Variants in CNTNAP2 observed in about 807,000 individuals in gnomAD.
CNTNAP2 encodes the protein contactin associated protein 2, also known as contactin-associated protein-like 2.
In CNTNAP2, 98 loss-of-function variants were observed where a neutral mutation model predicts 155.2. That is an observed-to-expected ratio of 0.63 (90% confidence interval 0.54 to 0.75). The LOEUF is 0.75. Among genes scored for constraint, CNTNAP2 ranks in the 30% least tolerant of loss-of-function variants. The pLI, the probability that CNTNAP2 is intolerant of heterozygous loss-of-function variation, is 0.00. For synonymous variants in CNTNAP2, 651 were observed against 631.2 expected (o/e 1.03, Z -0.47); for missense variants, 1,727 against 1,688.1 (o/e 1.02, Z -0.40).
intron 8 of CNTNAP2, among the ~76,000 whole-genome samples, chr7:147,133,675 C>G (rs892254634): frequency 6.6e-6 from 1 of 151,960 alleles, no homozygotes; most frequent in South Asian, 2.1e-4. Context: ...CAGAATATCC[C>G]CTGCTATAGA....
intron 3 of CNTNAP2, among the ~76,000 whole-genome samples, chr7:146,847,656 C>G (rs773682775): frequency 6.6e-6 from 1 of 152,042 alleles, no homozygotes; most frequent in Non-Finnish European, 1.5e-5. Context: ...TTTATAATAA[C>G]GTTTTTCTAT....
chr7:146,657,355 A>G (rs533363101), intron 1 of CNTNAP2, among the ~76,000 whole-genome samples: 1 of 152,326 alleles, frequency 6.6e-6, no homozygotes, highest in African/African-American at 2.4e-5. Context: ...TTAACTTATC[A>G]TGTGAGTCAA....
chr7:147,095,426 C>G (rs995091903), intron 4 of CNTNAP2, among the ~76,000 whole-genome samples: 3 of 151,868 alleles, frequency 2.0e-5, no homozygotes, highest in Non-Finnish European at 4.4e-5. Context: ...ACTCCTAACA[C>G]TGTAACATTA....
At chr7:146,853,587 T>A (rs904940028) in intron 3 of CNTNAP2, among the ~76,000 whole-genome samples, 12 of 152,222 alleles carry the variant, frequency 7.9e-5, no homozygotes, top group Non-Finnish European at 1.2e-4. Context: ...ACTTACCTGG[T>A]AAGCACTTTT....
intron 21 of CNTNAP2, among the ~76,000 whole-genome samples, chr7:148,273,237 TTG>T (rs1796814312): frequency 6.6e-6 from 1 of 152,162 alleles, no homozygotes; most frequent in Non-Finnish European, 1.5e-5. Flanking sequence ...ACTTTAAGAT[TTG>T]TGGTGGGAGT....
chr7:147,557,381 G>A (rs1226597246), intron 11 of CNTNAP2, among the ~76,000 whole-genome samples: 2 of 152,100 alleles, frequency 1.3e-5, no homozygotes, highest in Non-Finnish European at 2.9e-5. Context: ...TGAATATATA[G>A]CATGAGAACT....
intron 18 of CNTNAP2, among the ~76,000 whole-genome samples, chr7:148,173,326 A>C (rs987481682): frequency 4.6e-5 from 7 of 152,018 alleles, no homozygotes; most frequent in African/African-American, 1.7e-4. Flanking sequence ...CATGTAAATC[A>C]CTCCTCTCTT....
At chr7:147,254,462 T>C (rs1804274885) in intron 8 of CNTNAP2, among the ~76,000 whole-genome samples, 1 of 152,180 alleles carries the variant, frequency 6.6e-6, no homozygotes, top group Admixed American at 6.5e-5. Flanking sequence ...CATTTTGAAC[T>C]AAAGAAGTTT....
chr7:146,933,200 A>C (rs1282912984), intron 3 of CNTNAP2, among the ~76,000 whole-genome samples: 1 of 151,882 alleles, frequency 6.6e-6, no homozygotes, highest in Non-Finnish European at 1.5e-5. Flanking sequence ...CTATAAGGCT[A>C]CAGTAACCAA....
chr7:147,760,274 A>G (rs1197986762), intron 13 of CNTNAP2, among the ~76,000 whole-genome samples: 1 of 151,824 alleles, frequency 6.6e-6, no homozygotes, highest in Non-Finnish European at 1.5e-5. Flanking sequence ...AAGAACTTCC[A>G]AAGAGTTTTC....
rs796052374 is a variant in CNTNAP2 at position 147,132,507 on chromosome 7, C to G, written c.1346C>G (p.Ser449Ter). 6.2e-7 allele frequency: 1 copy of G among 1,613,478 alleles called. No individual in the cohort carries two copies. Reference sequence around the variant, plus strand: ...AAGATGAGCCAAATCGATATTTCCTCAGGTCAGTGAAACCTATTTGACATT... The same window carrying G: ...AAGATGAGCCAAATCGATATTTCCTGAGGTCAGTGAAACCTATTTGACATT... ...QTKMSQIDIS[S>*]GSGLNDGQWH... The change falls in exon 8 of 24, where the codon TCA (serine) becomes TGA (stop). Residue 449 changes from serine (S) to a stop codon, truncating the protein, a stop_gained and splice_region_variant. Coordinates refer to ENST00000361727, the MANE Select transcript of CNTNAP2 (RefSeq NM_014141.6). LOFTEE classifies it high-confidence loss of function.
intron 3 of CNTNAP2, among the ~76,000 whole-genome samples, chr7:146,913,446 T>C (rs1210492062): frequency 2.6e-5 from 4 of 152,124 alleles, no homozygotes; most frequent in Non-Finnish European, 5.9e-5. Context: ...CTATAACAAA[T>C]GATATTAGAC....
chr7:147,960,636 A>G (rs1045191573), intron 14 of CNTNAP2, among the ~76,000 whole-genome samples: 1 of 152,166 alleles, frequency 6.6e-6, no homozygotes, highest in South Asian at 2.1e-4. Context: ...CAACTGGAGT[A>G]TCATTTCCTA....
At chr7:146,744,237 A>G (rs901877424) in intron 1 of CNTNAP2, among the ~76,000 whole-genome samples, 1 of 151,300 alleles carries the variant, frequency 6.6e-6, no homozygotes, top group Non-Finnish European at 1.5e-5. Flanking sequence ...CAAAAAAAAA[A>G]AAAAAAAAAA....
intron 8 of CNTNAP2, among the ~76,000 whole-genome samples, chr7:147,143,773 T>C (rs1039010885): frequency 2.6e-5 from 4 of 152,010 alleles, no homozygotes; most frequent in African/African-American, 2.4e-5. Context: ...TAATAAGAGA[T>C]TTTTTTTAAA....
intron 1 of CNTNAP2, among the ~76,000 whole-genome samples, chr7:146,721,038 TATTC>T (rs199534327): frequency 7.7e-6 from 1 of 129,430 alleles, no homozygotes; most frequent in African/African-American, 2.8e-5. Flanking sequence ...ATACTCTATA[TATTC>T]TATATATATA....
intron 12 of CNTNAP2, among the ~76,000 whole-genome samples, chr7:147,623,284 G>A (rs1794902310): frequency 6.6e-6 from 1 of 151,852 alleles, no homozygotes; most frequent in Non-Finnish European, 1.5e-5. Context: ...CAAAATAAAG[G>A]GCATCCAAAT....
chr7:148,209,926 C>T (rs1226474193), intron 18 of CNTNAP2, among the ~76,000 whole-genome samples: 2 of 152,332 alleles, frequency 1.3e-5, no homozygotes, highest in East Asian at 1.9e-4. Context: ...AGCCTTTGCA[C>T]ATGCTCTTTT....
intron 14 of CNTNAP2, among the ~76,000 whole-genome samples, chr7:147,910,878 G>C (rs1417164062): frequency 6.6e-6 from 1 of 152,162 alleles, no homozygotes; most frequent in South Asian, 2.1e-4. Flanking sequence ...CCATATCAAA[G>C]ATGTAAGTTC....
Sources: allele counts gnomAD v4.1 joint callset (sites outside exome capture counted in the v4.1 genomes callset), GRCh38; gene constraint gnomAD v4.1.1; transcripts MANE v1.5; gene names NCBI Gene and HGNC (gene_info 2026-07-23, HGNC 2026-07-21).